ADARB2: variants seen among roughly 807,000 people sequenced by gnomAD.
ADARB2 encodes the protein inactive double-stranded RNA-specific editase B2.
Under a neutral mutation model 62.2 loss-of-function variants are expected in ADARB2, and 25 were observed. That is an observed-to-expected ratio of 0.40 (90% CI 0.29 to 0.56). The LOEUF (loss-of-function observed/expected upper bound fraction) is 0.56. ADARB2 is among the 20% of genes least tolerant of loss of function. The pLI is 0.43. For synonymous variants in ADARB2, 572 were observed against 500.8 expected (o/e 1.14, Z -1.90); for missense variants, 1,071 against 1,077.4 (o/e 0.99, Z 0.08).
intron 2 of ADARB2, among the ~76,000 whole-genome samples, chr10:1,364,907 CTG>C: frequency 6.9e-6 from 1 of 145,334 alleles, no homozygotes. Flanking sequence ...GAATCTCACT[CTG>C]TTGCCCAGGC....
chr10:1,266,028 A>T (rs1164780120), intron 4 of ADARB2, among the ~76,000 whole-genome samples: 1 of 119,596 alleles, frequency 8.4e-6, no homozygotes, highest in Non-Finnish European at 1.7e-5. Context: ...AGGGGGGCCC[A>T]GGGTCCCCCG....
chr10:1,695,967 ATGTG>A (rs748013612), intron 1 of ADARB2, among the ~76,000 whole-genome samples: 5 of 148,568 alleles, frequency 3.4e-5, no homozygotes, highest in Non-Finnish European at 7.4e-5. Flanking sequence ...GCACATGTGT[ATGTG>A]AGAGAATATG....
At chr10:1,516,693 A>T (rs2131948674) in intron 1 of ADARB2, among the ~76,000 whole-genome samples, 1 of 152,358 alleles carries the variant, frequency 6.6e-6, no homozygotes, top group African/African-American at 2.4e-5. Context: ...ATATCGCCCA[A>T]AGTGCAGCTC....
At chr10:1,625,421 C>T (rs1337705780) in intron 1 of ADARB2, among the ~76,000 whole-genome samples, 3 of 152,204 alleles carry the variant, frequency 2.0e-5, no homozygotes. Context: ...GAGGTTTGCA[C>T]CTTGGCGCTG....
intron 1 of ADARB2, among the ~76,000 whole-genome samples, chr10:1,396,099 C>T (rs1832610694): frequency 6.6e-6 from 1 of 152,180 alleles, no homozygotes; most frequent in South Asian, 2.1e-4. Flanking sequence ...GCAATGATCG[C>T]GTAAGTAATT....
chr10:1,538,977 C>A (rs909049594), intron 1 of ADARB2, among the ~76,000 whole-genome samples: 1 of 152,204 alleles, frequency 6.6e-6, no homozygotes, highest in Admixed American at 6.5e-5. Flanking sequence ...GTCATTCTCA[C>A]GACAGGTGAG....
chr10:1,485,493 C>T (rs147645277), intron 1 of ADARB2, among the ~76,000 whole-genome samples: 8 of 152,242 alleles, frequency 5.3e-5, no homozygotes, highest in Non-Finnish European at 7.4e-5. Flanking sequence ...GCTCCGCACG[C>T]AGCCTGCATC....
rs990745054 is a variant in ADARB2, at chr10:1,363,200, C to T, written c.905G>A (p.Arg302His). 4.7e-6 allele frequency: 7 copies of T among 1,485,034 alleles called. No homozygotes were observed. The highest frequency in any genetic ancestry group is 6.2e-6 in the Non-Finnish European group (7 of 1,120,844). The allele number at this position is 1,485,034 out of a possible 1,614,324, so 92.0% of individuals were successfully genotyped here. ...CACGGCCATCACGAAGCTCCGCGCGCGCCGCTCGGCCGGTTCTGCCAGACA... is the reference window on the plus strand; with the variant it reads ...CACGGCCATCACGAAGCTCCGCGCGTGCCGCTCGGCCGGTTCTGCCAGACA... ...YVCLAEPAERRARSFVMAVSV... is the reference protein window; with the variant it reads ...YVCLAEPAERHARSFVMAVSV... The change falls in exon 3 of 10, where the codon CGC (arginine) becomes CAC (histidine). Residue 302 changes from arginine (R) to histidine (H), a missense_variant. Arg to His is a conservative substitution (Grantham distance 29). Transcript: ENST00000381312.
At chr10:1,585,860 C>A (rs887142129) in intron 1 of ADARB2, among the ~76,000 whole-genome samples, 1 of 152,086 alleles carries the variant, frequency 6.6e-6, no homozygotes, top group Non-Finnish European at 1.5e-5. Flanking sequence ...CGGTGAAACC[C>A]CGTCTCTACT....
chr10:1,447,689 A>G (rs910511547), intron 1 of ADARB2, among the ~76,000 whole-genome samples: 5 of 152,156 alleles, frequency 3.3e-5, no homozygotes, highest in African/African-American at 1.2e-4. Flanking sequence ...GGTAATAAGC[A>G]TAGTACCTGA....
At chr10:1,470,126 G>GGGT (rs1554765602) in intron 1 of ADARB2, among the ~76,000 whole-genome samples, 1 of 152,180 alleles carries the variant, frequency 6.6e-6, no homozygotes, top group Admixed American at 6.5e-5. Flanking sequence ...CCCTCTCCCA[G>GGGT]CTGCGTCCAT....
intron 3 of ADARB2, among the ~76,000 whole-genome samples, chr10:1,276,990 C>T (rs1329806674): frequency 6.6e-6 from 1 of 152,200 alleles, no homozygotes; most frequent in Non-Finnish European, 1.5e-5. Flanking sequence ...ACTGAACAAC[C>T]TGCTCCTGAA....
chr10:1,572,372 T>G (rs1293227316), intron 1 of ADARB2, among the ~76,000 whole-genome samples: 2 of 152,106 alleles, frequency 1.3e-5, no homozygotes, highest in Non-Finnish European at 2.9e-5. Context: ...CAGGCAGGCA[T>G]CAGGCAGCTA....
intron 1 of ADARB2, among the ~76,000 whole-genome samples, chr10:1,668,491 T>G (rs1206761872): frequency 6.6e-6 from 1 of 152,142 alleles, no homozygotes; most frequent in Non-Finnish European, 1.5e-5. Context: ...TCGTGTGTGG[T>G]TTTCCAAGTC....
intron 1 of ADARB2, among the ~76,000 whole-genome samples, chr10:1,676,243 T>C (rs1456431108): frequency 6.6e-6 from 1 of 152,136 alleles, no homozygotes; most frequent in South Asian, 2.1e-4. Context: ...GTCCCTGTTT[T>C]CTCAGATCTG....
chr10:1,396,694 G>T (rs1299381523), intron 1 of ADARB2, among the ~76,000 whole-genome samples: 15 of 133,198 alleles, frequency 1.1e-4, no homozygotes, highest in South Asian at 1.1e-3. Flanking sequence ...GTCACCGTCC[G>T]TCTCTCCCCT....
intron 1 of ADARB2, among the ~76,000 whole-genome samples, chr10:1,641,979 C>T (rs897519359): frequency 4.6e-5 from 7 of 151,948 alleles, no homozygotes; most frequent in African/African-American, 1.4e-4. Context: ...TGCCACTGCA[C>T]TCCAGCCTGG....
chr10:1,211,045 A>C (rs993275383), intron 7 of ADARB2, among the ~76,000 whole-genome samples: 1 of 152,082 alleles, frequency 6.6e-6, no homozygotes, highest in African/African-American at 2.4e-5. Flanking sequence ...TGAGGGGTTC[A>C]AAACCCTTGT....
intron 3 of ADARB2, among the ~76,000 whole-genome samples, chr10:1,342,688 A>G (rs1832041685): frequency 6.6e-6 from 1 of 152,126 alleles, no homozygotes; most frequent in Non-Finnish European, 1.5e-5. Flanking sequence ...TAGGAAACCT[A>G]CCGCCCCAAT....
Sources: allele counts gnomAD v4.1 joint callset (sites outside exome capture counted in the v4.1 genomes callset), GRCh38; gene constraint gnomAD v4.1.1; transcripts MANE v1.5; gene names NCBI Gene and HGNC (gene_info 2026-07-23, HGNC 2026-07-21).